The following LZTR1 variants were observed in gnomAD, a reference collection of about 807,000 sequenced individuals.
LZTR1 encodes the protein leucine-zipper-like transcriptional regulator 1.
LZTR1 carries 260 observed loss-of-function variants against 105.7 expected under a neutral mutation model. That is an observed-to-expected ratio of 2.46 (90% CI 2.22 to 2.72). LZTR1 has a LOEUF of 2.72. LZTR1 is among the 30% of genes most tolerant of loss of function. The pLI is 0.00. For synonymous variants in LZTR1, 490 were observed against 476.4 expected (o/e 1.03, Z -0.37); for missense variants, 1,214 against 1,166.9 (o/e 1.04, Z -0.59).
chr22:20,997,062 G>T, intron 20 of LZTR1, 96 bp downstream of exon 20: 1 of 1,326,042 alleles, frequency 7.5e-7, no homozygotes. Flanking sequence ...CCCCTGCAGT[G>T]GTGGGCCCTG....
At chr22:20,990,232 C>T (rs1924552160) in intron 7 of LZTR1, among the ~76,000 whole-genome samples, 154 bp from the exon 8 acceptor site, 1 of 152,114 alleles carries the variant, frequency 6.6e-6, no homozygotes, top group Non-Finnish European at 1.5e-5. Context: ...GTGGATGAGA[C>T]AGGGCTATGA....
In LZTR1 at chr22:20,996,693, C is replaced by T. The variant is rs1264266036; in HGVS notation, c.2220-3C>T. On this transcript the variant is annotated splice_region_variant and splice_polypyrimidine_tract_variant and intron_variant, in intron 18 of 20. Coordinates refer to ENST00000646124, the MANE Select transcript of LZTR1 (RefSeq NM_006767.4). ...TTTAGTCAGCTCCTTAACCAGGCCC[C>T]AGCTACTTGTTTGCGGCCCCCTACT... The T allele has an allele frequency of 6.2e-7, 1 of 1,613,246 alleles. No homozygotes were observed. Among genetic ancestry groups the T allele is most frequent in the South Asian group, 1.1e-5 (1 of 91,062 alleles).
Position 20,994,237 on chromosome 22 carries a change from T to C in LZTR1, c.1583T>C (p.Leu528Pro). ...CCCTTCGAGGTGCTCATGCAGTTCC[T>C]CTACACCGACAAGATCAAATACCCA... ...ARPFEVLMQF[L>P]YTDKIKYPRK... Residue 528 changes from leucine (L) to proline (P), a missense_variant, in exon 14 of 21, where the codon CTC becomes CCC. Coordinates refer to ENST00000646124, the MANE Select transcript of LZTR1 (RefSeq NM_006767.4). 1 of 1,599,764 alleles carries C rather than the reference T, an allele frequency of 6.3e-7. No individual in the cohort carries two copies. The highest frequency in any genetic ancestry group is 8.5e-7 in the Non-Finnish European group (1 of 1,179,602).
At chr22:20,993,836 C>T in intron 12 of LZTR1, 82 bp downstream of exon 12, 2 of 1,563,580 alleles carry the variant, frequency 1.3e-6, no homozygotes, top group Non-Finnish European at 1.7e-6. Flanking sequence ...CAGCTGCTGG[C>T]CTGGTGGTGC....
rs1303660626 is a variant in LZTR1 at position 20,987,726 on chromosome 22, G to A, written c.400+143G>A. 3.1e-5 allele frequency: 24 copies of A among 777,410 alleles called. No homozygotes were observed. The East Asian group carries it at 3.4e-4, about 11-fold the overall frequency. The allele number at this position is 777,410 out of a possible 1,614,324, so 48.2% of individuals were successfully genotyped here. On this transcript the variant is annotated intron_variant, in intron 4 of 20. Coordinates refer to ENST00000646124, the MANE Select transcript of LZTR1 (RefSeq NM_006767.4). ...CCCGTGGCTTTGTCTGCCAGTCTTC[G>A]GAATTCTGCGCTGGATCTGGGACCC...
Position 20,992,838 on chromosome 22 carries a change from C to T in LZTR1, c.1194C>T (p.Asp398=), listed in dbSNP as rs557960320. Residue 398 remains aspartate (D), a synonymous_variant, in exon 11 of 21, where the codon GAC becomes GAT. Transcript: ENST00000646124. ...TCCACGCGGCTGCTGTCATCTCGGA[C>T]GCCATGTACATCTTCGGGGGCACGG... is the stretch of plus-strand genomic sequence containing the variant. The part of the protein sequence containing the change: ...RLFHAAAVIS[D]AMYIFGGTVD... The T allele has an allele frequency of 7.6e-5, 123 of 1,609,592 alleles. No homozygotes were observed. The highest frequency in any genetic ancestry group is 2.8e-4 in the African/African-American group (21 of 74,996).
chr22:20,984,981 T>C (rs1011666259), intron 2 of LZTR1, among the ~76,000 whole-genome samples: 7 of 151,564 alleles, frequency 4.6e-5, no homozygotes, highest in African/African-American at 1.7e-4. Context: ...CCCAGCACTT[T>C]GGGAGGCTGA....
chr22:20,987,616 C>T (rs772138361), intron 4 of LZTR1, 33 bp downstream of exon 4: 40 of 1,584,088 alleles, frequency 2.5e-5, no homozygotes, highest in African/African-American at 5.4e-5. Context: ...GGGGCTGTGT[C>T]GCCCCGAGGC....
At position 20,988,787 on chromosome 22, in the gene LZTR1, A is replaced by G. The variant is rs1458682620; in HGVS notation, c.510-2A>G. On this transcript the variant is annotated splice_acceptor_variant, in intron 5 of 20. Transcript: ENST00000646124. LOFTEE classifies it high-confidence loss of function. Reference sequence around the variant, plus strand: ...TCCCTCCCCTCTTCCCTCACACTCCAGGTTGCCAGTCGCTAGGTCAGCCCA... The same window carrying G: ...TCCCTCCCCTCTTCCCTCACACTCCGGGTTGCCAGTCGCTAGGTCAGCCCA... The G allele has an allele frequency of 6.2e-7, 1 of 1,613,072 alleles. No individual in the cohort carries two copies. Among genetic ancestry groups the G allele is most frequent in the African/African-American group, 1.3e-5 (1 of 75,000 alleles).
At chr22:20,989,365 G>A (rs1924513381) in intron 6 of LZTR1, among the ~76,000 whole-genome samples, 1 of 152,244 alleles carries the variant, frequency 6.6e-6, no homozygotes, top group Non-Finnish European at 1.5e-5. Flanking sequence ...GGGACACTGA[G>A]TGAGGAGCTG....
intron 16 of LZTR1, 192 bp from the exon 17 acceptor site, chr22:20,995,554 G>C: frequency 2.7e-6 from 2 of 751,128 alleles, no homozygotes; most frequent in South Asian, 1.5e-5. Context: ...GTGGGGCATA[G>C]TGCTTGAGTC....
In LZTR1 at chr22:20,987,501, C is replaced by G; in HGVS notation, c.321-3C>G. ...ACTCTCACCACCCCTGTGCCCACCC[C>G]AGGGCCTTTACCACTGGGACCCCAC... On this transcript the variant is annotated splice_region_variant and splice_polypyrimidine_tract_variant and intron_variant, in intron 3 of 20. Transcript: ENST00000646124. 2 of 1,610,042 alleles carry G rather than the reference C, an allele frequency of 1.2e-6. No individual in the cohort carries two copies. Among genetic ancestry groups the G allele is most frequent in the South Asian group, 2.2e-5 (2 of 90,988 alleles).
At chr22:20,985,389 T>C (rs898393098) in intron 2 of LZTR1, among the ~76,000 whole-genome samples, 1 of 150,710 alleles carries the variant, frequency 6.6e-6, no homozygotes, top group Admixed American at 6.6e-5. Context: ...TTTTAAGAAG[T>C]GGCAGGAAGA....
chr22:20,997,084 A>G (rs557425140), intron 20 of LZTR1, 118 bp downstream of exon 20: 16 of 1,197,378 alleles, frequency 1.3e-5, no homozygotes, highest in East Asian at 2.4e-5. Context: ...GGGTGAGAGA[A>G]GCAGAGCAGC....
rs143868364 is a variant in LZTR1 at position 20,992,905 on chromosome 22, G to C, written c.1260+1G>C. The C allele has an allele frequency of 6.3e-7, 1 of 1,585,694 alleles. No homozygotes were observed. Among genetic ancestry groups the C allele is most frequent in the Non-Finnish European group, 8.6e-7 (1 of 1,161,404 alleles). ...CAGCGGGGAGATGTACAGGTTCCAG[G>C]TGTGGGGCCTGTGGGCCTGTAGAGC... On this transcript the variant is annotated splice_donor_variant, in intron 11 of 20. Transcript: ENST00000646124. LOFTEE classifies it high-confidence loss of function.
chr22:20,984,823 T>C (rs1313857455), intron 2 of LZTR1, among the ~76,000 whole-genome samples: 1 of 152,216 alleles, frequency 6.6e-6, no homozygotes, highest in Non-Finnish European at 1.5e-5. Flanking sequence ...TCCTGTCAGT[T>C]TGCCCTTCTT....
At position 20,987,496 on chromosome 22, in the gene LZTR1, C is replaced by T. The variant is rs1315199150; in HGVS notation, c.321-8C>T. 1.3e-6 allele frequency: 2 copies of T among 1,597,522 alleles called. No homozygotes were observed. The highest frequency in any genetic ancestry group is 1.7e-6 in the Non-Finnish European group (2 of 1,165,596). ...CGCTGACTCTCACCACCCCTGTGCCCACCCCAGGGCCTTTACCACTGGGAC... is the reference window on the plus strand; with the variant it reads ...CGCTGACTCTCACCACCCCTGTGCCTACCCCAGGGCCTTTACCACTGGGAC... On this transcript the variant is annotated splice_region_variant and splice_polypyrimidine_tract_variant and intron_variant, in intron 3 of 20. Transcript: ENST00000646124.
intron 5 of LZTR1, 58 bp downstream of exon 5, chr22:20,988,176 G>A (rs2147962148): frequency 2.7e-6 from 3 of 1,128,628 alleles, no homozygotes; most frequent in Non-Finnish European, 1.3e-6. Flanking sequence ...CATTGGACCT[G>A]GGATCTGCCC....
intron 2 of LZTR1, among the ~76,000 whole-genome samples, chr22:20,985,506 C>G (rs2147959431): frequency 6.6e-6 from 1 of 152,330 alleles, no homozygotes; most frequent in Admixed American, 6.5e-5. Context: ...GTTCTGGAGG[C>G]TAGGGTGAGG....
Sources: allele counts gnomAD v4.1 joint callset (sites outside exome capture counted in the v4.1 genomes callset), GRCh38; gene constraint gnomAD v4.1.1; transcripts MANE v1.5; gene names NCBI Gene and HGNC (gene_info 2026-07-23, HGNC 2026-07-21).